Variants in SH3RF2 observed in about 807,000 individuals in gnomAD.
SH3RF2 encodes E3 ubiquitin-protein ligase SH3RF2.
A neutral mutation model predicts 59.0 loss-of-function variants in SH3RF2; 43 were observed. The observed-to-expected ratio is 0.73, with a 90% confidence interval of 0.57 to 0.94. SH3RF2 has a LOEUF of 0.94. Among genes scored for constraint, SH3RF2 ranks in the 40% least tolerant of loss-of-function variants. The pLI is 0.00. For synonymous variants in SH3RF2, 391 were observed against 391.5 expected (o/e 1.00, Z 0.01); for missense variants, 930 against 940.1 (o/e 0.99, Z 0.14).
chr5:146,007,945 G>A (rs746360717), intron 4 of SH3RF2, among the ~76,000 whole-genome samples: 1 of 152,152 alleles, frequency 6.6e-6, no homozygotes, highest in African/African-American at 2.4e-5. Flanking sequence ...AATAAACTTT[G>A]AATTACCAGT....
In SH3RF2 at chr5:146,049,199, G is replaced by T. The variant is rs749884545; in HGVS notation, c.1276G>T (p.Gly426Trp). 3.1e-6 allele frequency: 5 copies of T among 1,613,696 alleles called. No individual in the cohort carries two copies. The Admixed American group carries it at 8.3e-5, about 27-fold the overall frequency. The part of the protein sequence containing the change: ...GWLRGVSLVT[G>W]RVGIFPNNYV... ...GCTCAGGGGCGTCTCCTTGGTCACC[G>T]GGCGAGTCGGCATCTTCCCAAACAA... Residue 426 changes from glycine (G) to tryptophan (W), a missense_variant, in exon 7 of 10, where the codon GGG (glycine) becomes TGG (tryptophan). Transcript: ENST00000359120.
chr5:146,017,609 C>T (rs75273503), intron 5 of SH3RF2, among the ~76,000 whole-genome samples: 3,742 of 152,216 alleles, frequency 0.025, 165 homozygotes, highest in African/African-American at 0.087. Context: ...TATCACAGAT[C>T]CAGGGTAGCA....
intron 2 of SH3RF2, among the ~76,000 whole-genome samples, chr5:145,999,431 CTGTT>C (rs1419760707): frequency 1.3e-5 from 2 of 152,332 alleles, no homozygotes; most frequent in African/African-American, 2.4e-5. Flanking sequence ...CACAGCTTGA[CTGTT>C]TGTCACAAGA....
chr5:145,983,427 G>T (rs995040421), intron 2 of SH3RF2, among the ~76,000 whole-genome samples: 1 of 152,058 alleles, frequency 6.6e-6, no homozygotes, highest in Admixed American at 6.6e-5. Context: ...TCAAAAGAGT[G>T]ACCATATAAC....
chr5:145,939,994 C>T (rs1757754947), intron 2 of SH3RF2, among the ~76,000 whole-genome samples: 2 of 152,166 alleles, frequency 1.3e-5, no homozygotes, highest in South Asian at 4.1e-4. Flanking sequence ...ATGAATGGAT[C>T]CACAGCTACC....
At chr5:146,004,204 A>G (rs1415637080) in intron 4 of SH3RF2, 51 bp downstream of exon 4, 5 of 1,476,710 alleles carry the variant, frequency 3.4e-6, no homozygotes, top group Non-Finnish European at 4.7e-6. Flanking sequence ...AGAAATATTC[A>G]TGTGCTACAG....
At chr5:145,956,050 T>G (rs1181214647) in intron 2 of SH3RF2, among the ~76,000 whole-genome samples, 1 of 152,164 alleles carries the variant, frequency 6.6e-6, no homozygotes, top group Non-Finnish European at 1.5e-5. Flanking sequence ...TCCCAAAATT[T>G]AATAAATTAG....
intron 5 of SH3RF2, among the ~76,000 whole-genome samples, chr5:146,046,820 G>A (rs1762321703): frequency 6.6e-6 from 1 of 151,796 alleles, no homozygotes; most frequent in Non-Finnish European, 1.5e-5. Flanking sequence ...TTGGAGTGCA[G>A]TGGCACAACC....
intron 1 of SH3RF2, among the ~76,000 whole-genome samples, 152 bp from the exon 2 acceptor site, chr5:145,937,671 T>A (rs558588284): frequency 6.6e-6 from 1 of 152,318 alleles, no homozygotes; most frequent in South Asian, 2.1e-4. Context: ...GTCTTATACC[T>A]GCTAGCATTG....
chr5:146,042,480 C>A (rs3733937), intron 5 of SH3RF2, among the ~76,000 whole-genome samples: 52,020 of 152,162 alleles, frequency 0.34, 9,270 homozygotes, highest in Non-Finnish European at 0.38. Context: ...CCCATTTTAT[C>A]GATTTTGAAG....
At chr5:145,990,386 G>A (rs962101590) in intron 2 of SH3RF2, among the ~76,000 whole-genome samples, 1 of 152,162 alleles carries the variant, frequency 6.6e-6, no homozygotes, top group South Asian at 2.1e-4. Flanking sequence ...TCAAATCTCA[G>A]AGAAAATACT....
intron 2 of SH3RF2, among the ~76,000 whole-genome samples, chr5:145,953,032 G>A (rs1758251452): frequency 6.6e-6 from 1 of 152,038 alleles, no homozygotes; most frequent in African/African-American, 2.4e-5. Flanking sequence ...ATAGGTGCCA[G>A]CTATTGGAAG....
intron 2 of SH3RF2, among the ~76,000 whole-genome samples, chr5:145,982,163 C>T (rs917305046): frequency 5.9e-5 from 9 of 152,250 alleles, no homozygotes; most frequent in African/African-American, 1.4e-4. Context: ...CAAAGCAGCC[C>T]GACCCTTTCC....
At chr5:146,047,061 A>G (rs1010402824) in intron 5 of SH3RF2, among the ~76,000 whole-genome samples, 1 of 152,140 alleles carries the variant, frequency 6.6e-6, no homozygotes, top group Non-Finnish European at 1.5e-5. Flanking sequence ...CCGGCCTTCC[A>G]GGAGCTTTTA....
Position 145,944,390 on chromosome 5 carries a change from ACAGTG to A in SH3RF2, c.378+6100_378+6104del, listed in dbSNP as rs370687534. 4.3e-3 allele frequency among the ~76,000 whole-genome samples: 622 copies of A among 146,128 alleles called. 4 individuals are homozygous for A. Among genetic ancestry groups the A allele is most frequent in the African/African-American group, 0.015 (607 of 39,188 alleles). On this transcript the variant is annotated intron_variant, in intron 2 of 9. Transcript: ENST00000359120. ...TTTAGAGACAGGGTCTCATTCCGTCACAGTGCAGTGCAGTGCAGTGGCCCAATTAT... is the reference window on the plus strand; with the variant it reads ...TTTAGAGACAGGGTCTCATTCCGTCACAGTGCAGTGCAGTGGCCCAATTAT...
At chr5:146,005,033 A>G (rs1760586247) in intron 4 of SH3RF2, among the ~76,000 whole-genome samples, 1 of 152,176 alleles carries the variant, frequency 6.6e-6, no homozygotes, top group East Asian at 1.9e-4. Context: ...ATGTACCAAA[A>G]TGTTAACATT....
chr5:146,016,657 A>C (rs1037328660), intron 5 of SH3RF2, among the ~76,000 whole-genome samples: 3 of 152,214 alleles, frequency 2.0e-5, no homozygotes, highest in Non-Finnish European at 4.4e-5. Flanking sequence ...GTCTAATTCT[A>C]GAACATAAGC....
Position 145,938,171 on chromosome 5 carries a change from C to G in SH3RF2, c.243C>G (p.Ser81Arg), listed in dbSNP as rs534789556. The change falls in exon 2 of 10, where the codon AGC becomes AGG. Residue 81 changes from serine (S) to arginine (R), a missense_variant. Ser to Arg is a moderately radical substitution (Grantham distance 110). Coordinates refer to ENST00000359120, the MANE Select transcript of SH3RF2 (RefSeq NM_152550.4). ...RLLDGVRSGQ[S>R]SGRGGSFRRP... ...TGGATGGAGTGCGCTCAGGGCAGAG[C>G]TCCGGGAGAGGGGGCTCCTTCCGCA... 154 of 1,613,998 alleles carry G rather than the reference C, an allele frequency of 9.5e-5. No individual in the cohort carries two copies. The highest frequency in any genetic ancestry group is 1.7e-4 in the Admixed American group (10 of 60,008).
chr5:145,980,425 C>T (rs1176822919), intron 2 of SH3RF2, among the ~76,000 whole-genome samples: 1 of 152,092 alleles, frequency 6.6e-6, no homozygotes, highest in African/African-American at 2.4e-5. Context: ...ACAGTCCACC[C>T]CAATCTATCT....
Sources: gnomAD v4.1 joint callset for allele counts (sites outside exome capture counted in the v4.1 genomes callset) on GRCh38, gnomAD v4.1.1 for gene constraint, MANE v1.5 for transcripts, NCBI Gene and HGNC (gene_info 2026-07-23, HGNC 2026-07-21) for gene names.